The following CNTNAP5 variants were observed in gnomAD, a reference collection of about 807,000 sequenced individuals.
The protein encoded by CNTNAP5 is contactin-associated protein-like 5.
In CNTNAP5, 72 loss-of-function variants were observed where a neutral mutation model predicts 150.2. The observed-to-expected ratio is 0.48, with a 90% CI of 0.40 to 0.58. The LOEUF (loss-of-function observed/expected upper bound fraction) is 0.58, where lower values mean the gene tolerates loss of function less well. CNTNAP5 is among the 20% of genes least tolerant of loss of function. The pLI, the probability that CNTNAP5 is intolerant of heterozygous loss-of-function variation, is 0.00. For synonymous variants in CNTNAP5, 672 were observed against 619.8 expected, an observed-to-expected ratio of 1.08 and a Z score of -1.25; for missense variants, 1,636 against 1,626.2, an observed-to-expected ratio of 1.01 and a Z score of -0.10.
chr2:124,689,940 A>G (rs976373151), intron 13 of CNTNAP5, among the ~76,000 whole-genome samples: 14 of 151,894 alleles, frequency 9.2e-5, no homozygotes, highest in African/African-American at 2.9e-4. Flanking sequence ...TCAGAAGGAA[A>G]TTGTAAGAGA....
chr2:124,438,660 A>G (rs1692596929), intron 5 of CNTNAP5, among the ~76,000 whole-genome samples: 1 of 152,160 alleles, frequency 6.6e-6, no homozygotes, highest in Admixed American at 6.6e-5. Flanking sequence ...CCATTCTCCA[A>G]AGAGTCAAAT....
intron 21 of CNTNAP5, among the ~76,000 whole-genome samples, chr2:124,887,668 G>A (rs1470233485): frequency 6.6e-6 from 1 of 152,094 alleles, no homozygotes; most frequent in Admixed American, 6.6e-5. Context: ...GATGAAAGAA[G>A]GAACTCCTGT....
intron 1 of CNTNAP5, among the ~76,000 whole-genome samples, chr2:124,031,515 C>T (rs1243840943): frequency 6.6e-6 from 1 of 152,120 alleles, no homozygotes; most frequent in Non-Finnish European, 1.5e-5. Flanking sequence ...GTTCAGATCA[C>T]CTGATTGGAT....
At chr2:124,706,795 A>AAGAAGAAGGAGGAGG (rs1553433527) in intron 13 of CNTNAP5, among the ~76,000 whole-genome samples, 1 of 18,880 alleles carries the variant, frequency 5.3e-5, no homozygotes, top group Non-Finnish European at 1.0e-4. Context: ...GAAGAAGAAG[A>AAGAAGAAGGAGGAGG]AGGAGGAGGA....
At chr2:124,073,177 T>A (rs1425389513) in intron 1 of CNTNAP5, among the ~76,000 whole-genome samples, 4 of 151,934 alleles carry the variant, frequency 2.6e-5, no homozygotes, top group African/African-American at 7.2e-5. Flanking sequence ...TGAAACTAGA[T>A]CTCTATCCCT....
At chr2:124,697,611 GA>G (rs5834084) in intron 13 of CNTNAP5, among the ~76,000 whole-genome samples, 27,564 of 128,250 alleles carry the variant, frequency 0.21, 3,049 homozygotes, top group Non-Finnish European at 0.28. Context: ...CCCTTAGTTT[GA>G]AAAAAAAAAA....
At chr2:124,026,095 A>G (rs1248747409) in intron 1 of CNTNAP5, among the ~76,000 whole-genome samples, 4 of 152,136 alleles carry the variant, frequency 2.6e-5, no homozygotes, top group Non-Finnish European at 4.4e-5. Flanking sequence ...GCTTCCTGGG[A>G]TGGAGATGCT....
chr2:124,819,712 G>C (rs1187688414), intron 19 of CNTNAP5, among the ~76,000 whole-genome samples: 1 of 152,246 alleles, frequency 6.6e-6, no homozygotes, highest in Non-Finnish European at 1.5e-5. Flanking sequence ...GAGCAGAAGG[G>C]AAAGGAGGTC....
At chr2:124,333,772 C>T (rs974200026) in intron 3 of CNTNAP5, among the ~76,000 whole-genome samples, 1 of 151,996 alleles carries the variant, frequency 6.6e-6, no homozygotes, top group Non-Finnish European at 1.5e-5. Flanking sequence ...GCTTCTGGGG[C>T]CTAATACTTA....
chr2:124,763,851 T>C (rs1313381388), intron 15 of CNTNAP5, 52 bp downstream of exon 15: 2 of 1,610,468 alleles, frequency 1.2e-6, no homozygotes, highest in Non-Finnish European at 1.7e-6. Context: ...GAGCACAAGA[T>C]GTTCTTACTC....
chr2:124,765,604 A>G lies in CNTNAP5; in HGVS notation c.2533+1457A>G, dbSNP rs1156632381. On this transcript the variant is annotated intron_variant, in intron 16 of 23. Coordinates refer to ENST00000682447, the MANE Select transcript of CNTNAP5 (RefSeq NM_001367498.1). ...ATACTAATTTGAAGTTTATATATAC[A>G]TTGTTAAAAATTAACAGTAGTGTCA... 3.9e-5 allele frequency among the ~76,000 whole-genome samples: 6 copies of G among 152,322 alleles called. No homozygotes were observed. The South Asian group carries it at 8.3e-4, about 21-fold the overall frequency.
intron 3 of CNTNAP5, among the ~76,000 whole-genome samples, chr2:124,276,543 GC>G: frequency 6.6e-6 from 1 of 152,186 alleles, no homozygotes; most frequent in Middle Eastern, 3.4e-3. Context: ...TGGATGATGA[GC>G]CCAATCCAAG....
At chr2:124,266,789 C>T (rs999375488) in intron 3 of CNTNAP5, among the ~76,000 whole-genome samples, 7 of 152,164 alleles carry the variant, frequency 4.6e-5, no homozygotes, top group African/African-American at 1.7e-4. Flanking sequence ...TCAGCCCCGT[C>T]AGCCAATTAG....
In CNTNAP5 at chr2:124,360,395, T is replaced by G. The variant is rs12990058; in HGVS notation, c.382-57048T>G. On this transcript the variant is annotated intron_variant, in intron 3 of 23. Coordinates refer to ENST00000682447, the MANE Select transcript of CNTNAP5 (RefSeq NM_001367498.1). Reference sequence around the variant, plus strand: ...ATGCTCGTTAGTTGATGCAGTTTCTTCCTAGTCTTGATGGTCTTTACATTT... The same window carrying G: ...ATGCTCGTTAGTTGATGCAGTTTCTGCCTAGTCTTGATGGTCTTTACATTT... Among the ~76,000 whole-genome samples, 47 of 145,828 alleles carry G rather than the reference T, an allele frequency of 3.2e-4. 1 individual carries two copies. The highest frequency in any genetic ancestry group is 6.1e-4 in the African/African-American group (25 of 41,044).
At chr2:124,703,281 TC>T (rs1679565172) in intron 13 of CNTNAP5, among the ~76,000 whole-genome samples, 1 of 141,648 alleles carries the variant, frequency 7.1e-6, no homozygotes, top group Non-Finnish European at 1.6e-5. Flanking sequence ...CTGCCTTCCT[TC>T]CTTATTTTGA....
rs966421436 is a variant in CNTNAP5, at chr2:124,878,839, C to T, written c.3436+9077C>T. 4.6e-5 allele frequency among the ~76,000 whole-genome samples: 7 copies of T among 151,650 alleles called. No homozygotes were observed. In the South Asian group the frequency reaches 8.3e-4, roughly 18 times the overall value. ...CTGGGATTACAGGTGTGTGCCACCT[C>T]GCCCGGCCAATTTTTGTATTTTTAG... is the stretch of plus-strand genomic sequence containing the variant. On this transcript the variant is annotated intron_variant, in intron 21 of 23. Transcript: ENST00000682447.
intron 13 of CNTNAP5, among the ~76,000 whole-genome samples, chr2:124,713,337 T>A (rs200325645): frequency 1.0e-5 from 1 of 95,872 alleles, no homozygotes; most frequent in Non-Finnish European, 2.3e-5. Context: ...CTTTCTTTCT[T>A]TCTTTCTTTC....
intron 3 of CNTNAP5, among the ~76,000 whole-genome samples, chr2:124,309,332 G>A (rs1329434310): frequency 6.6e-6 from 1 of 152,130 alleles, no homozygotes; most frequent in Non-Finnish European, 1.5e-5. Flanking sequence ...TTAAATGTGA[G>A]TATTGATTTA....
chr2:124,043,203 C>A lies in CNTNAP5; in HGVS notation c.82+17471C>A, dbSNP rs1451541503. ...TTGGAAGTGATGTAGTCCAGCCTAC[C>A]CTGCATAATGTATATAGATCACCAC... On this transcript the variant is annotated intron_variant, in intron 1 of 23. Transcript: ENST00000682447. 2.0e-5 allele frequency among the ~76,000 whole-genome samples: 3 copies of A among 152,194 alleles called. No homozygotes were observed. In the East Asian group the frequency reaches 5.8e-4, roughly 29 times the overall value.
Sources: gnomAD v4.1 joint callset for allele counts (sites outside exome capture counted in the v4.1 genomes callset) on GRCh38, gnomAD v4.1.1 for gene constraint, MANE v1.5 for transcripts, NCBI Gene and HGNC (gene_info 2026-07-23, HGNC 2026-07-21) for gene names.